The following DIAPH2 variants were observed in gnomAD, a reference collection of about 807,000 sequenced individuals.
The protein encoded by DIAPH2 is diaphanous related formin 2.
In DIAPH2, 35 loss-of-function variants were observed where a neutral mutation model predicts 92.7. The ratio of observed to expected loss-of-function variants is 0.38; its 90% CI spans 0.29 to 0.50. The LOEUF (loss-of-function observed/expected upper bound fraction) is 0.50, where lower values mean the gene tolerates loss of function less well. DIAPH2 is among the 20% of genes least tolerant of loss of function. DIAPH2 has a pLI of 0.94. For missense variants in DIAPH2, 701 were observed against 819.5 expected (o/e 0.86, Z 1.77); for synonymous variants, 301 against 280.4 (o/e 1.07, Z -0.73).
chrX:97,189,982 G>A (rs2067639530), intron 22 of DIAPH2, among the ~76,000 whole-genome samples: 1 of 113,118 alleles, frequency 8.8e-6, no homozygotes, highest in Non-Finnish European at 1.9e-5. Context: ...TGGCTCAGGA[G>A]AAAAACTCTA....
intron 22 of DIAPH2, among the ~76,000 whole-genome samples, chrX:97,148,815 G>A (rs1307887239): frequency 9.0e-6 from 1 of 111,727 alleles, no homozygotes; most frequent in Non-Finnish European, 1.9e-5. Flanking sequence ...AAATTTGAGA[G>A]GAGAAACAAG....
chrX:97,464,499 G>C (rs1005031456), intron 26 of DIAPH2, among the ~76,000 whole-genome samples: 1 of 110,197 alleles, frequency 9.1e-6, no homozygotes, highest in Admixed American at 9.7e-5. Context: ...CTTACTTCAA[G>C]TGCCTATCTT....
chrX:96,782,672 G>T (rs1190350102), intron 4 of DIAPH2, among the ~76,000 whole-genome samples: 1 of 111,362 alleles, frequency 9.0e-6, no homozygotes, highest in Non-Finnish European at 1.9e-5. Flanking sequence ...GGGCTCAAGC[G>T]ATCTGCCCTC....
At chrX:97,327,255 C>T (rs1437322213) in intron 23 of DIAPH2, among the ~76,000 whole-genome samples, 3 of 109,160 alleles carry the variant, frequency 2.7e-5, no homozygotes, top group East Asian at 5.8e-4. Flanking sequence ...CCTGCCACCC[C>T]GCCCGGCTAA....
chrX:96,888,043 C>G (rs1213984458), intron 5 of DIAPH2, among the ~76,000 whole-genome samples: 1 of 108,422 alleles, frequency 9.2e-6, no homozygotes, highest in Non-Finnish European at 1.9e-5. Flanking sequence ...GTTTTCAGCT[C>G]AGACCTCTCT....
chrX:97,528,791 G>A (rs1207061126), intron 26 of DIAPH2: 1 of 111,800 alleles, frequency 8.9e-6, no homozygotes, highest in Admixed American at 9.5e-5. Context: ...TGTTGGAAGT[G>A]TGCTACCTTC....
Position 97,323,362 on chromosome X carries a change from C to T in DIAPH2, c.2845-24754C>T, listed in dbSNP as rs1454608450. 5.9e-4 allele frequency among the ~76,000 whole-genome samples: 57 copies of T among 97,132 alleles called. No individual in the cohort carries two copies. In the Middle Eastern group the frequency reaches 0.019, roughly 33 times the overall value. The allele number at this position is 97,132 out of a possible 115,157, so 84.3% of individuals were successfully genotyped here. The stretch of plus-strand genomic sequence containing the variant: ...ATCCCAGCACTTTGGGAGGCCGAGG[C>T]GGGCGGATCACGAGGTCAGGAGATC... On this transcript the variant is annotated intron_variant, in intron 23 of 26. Transcript: ENST00000324765.
chrX:97,200,623 G>A (rs978876878), intron 22 of DIAPH2, among the ~76,000 whole-genome samples: 4 of 111,888 alleles, frequency 3.6e-5, no homozygotes, highest in Non-Finnish European at 7.5e-5. Context: ...CTCAGGGGCG[G>A]GGCCTCTCTG....
At chrX:96,913,194 G>A (rs1028843719) in intron 7 of DIAPH2, among the ~76,000 whole-genome samples, 11 of 110,667 alleles carry the variant, frequency 9.9e-5, no homozygotes, top group Non-Finnish European at 1.7e-4. Flanking sequence ...GCTAGTCAAT[G>A]AAACAAACAA....
At chrX:97,155,082 A>G (rs984135219) in intron 22 of DIAPH2, among the ~76,000 whole-genome samples, 1 of 112,433 alleles carries the variant, frequency 8.9e-6, no homozygotes, top group African/African-American at 3.2e-5. Context: ...GGTTAAAAAA[A>G]TCAAACTATA....
chrX:97,320,435 C>T (rs772840454), intron 23 of DIAPH2, among the ~76,000 whole-genome samples: 9 of 110,708 alleles, frequency 8.1e-5, no homozygotes, highest in African/African-American at 2.9e-4. Context: ...TCAATTTGGC[C>T]AGGCGCGGTA....
rs1204170689 is a variant in DIAPH2 at position 97,600,215 on chromosome X, A to ATTTC, written c.*902_*905dup. On this transcript the variant is annotated 3_prime_UTR_variant, in exon 27 of 27. Coordinates refer to ENST00000324765, the MANE Select transcript of DIAPH2 (RefSeq NM_006729.5). The stretch of plus-strand genomic sequence containing the variant: ...TATTGATTCCTATGCTCTGTGGTTT[A>ATTTC]TTTCTTTTTTCTATTGCTTCTTTCT... The ATTTC allele has an allele frequency of 1.8e-5, 2 of 112,025 alleles. No individual in the cohort carries two copies. The highest frequency in any genetic ancestry group is 3.8e-5 in the Non-Finnish European group (2 of 53,026). 9.2% of individuals were successfully genotyped at this position (112,025 alleles called of 1,213,427 possible). A position where few individuals can be genotyped will look rare whatever the true frequency, so the allele number is the denominator to read the frequency against.
intron 23 of DIAPH2, among the ~76,000 whole-genome samples, chrX:97,260,536 G>A (rs184575930): frequency 6.1e-4 from 69 of 112,271 alleles, no homozygotes; most frequent in Admixed American, 9.5e-4. Flanking sequence ...CCTTGGCGAT[G>A]ATTTGGTTAG....
intron 26 of DIAPH2, among the ~76,000 whole-genome samples, chrX:97,522,700 C>A (rs1394106287): frequency 9.0e-6 from 1 of 111,247 alleles, no homozygotes; most frequent in Non-Finnish European, 1.9e-5. Flanking sequence ...TTTTTTTTGT[C>A]CTTATGGTCA....
chrX:97,035,230 A>C (rs969302450), intron 17 of DIAPH2, among the ~76,000 whole-genome samples: 2 of 111,918 alleles, frequency 1.8e-5, no homozygotes, highest in Non-Finnish European at 3.8e-5. Context: ...ATTAGCATGA[A>C]ATATGAATAC....
chrX:97,261,292 T>G (rs1285021983), intron 23 of DIAPH2, among the ~76,000 whole-genome samples: 2 of 112,395 alleles, frequency 1.8e-5, no homozygotes. Context: ...TCCATAATTG[T>G]TTTAAATCAA....
chrX:97,427,311 T>C (rs2147775081), intron 25 of DIAPH2, among the ~76,000 whole-genome samples: 1 of 111,971 alleles, frequency 8.9e-6, no homozygotes, highest in African/African-American at 3.2e-5. Context: ...TCGAATAGTG[T>C]TCAAGCCCCA....
intron 19 of DIAPH2, among the ~76,000 whole-genome samples, chrX:97,087,972 A>G (rs1350534615): frequency 9.0e-6 from 1 of 111,137 alleles, no homozygotes; most frequent in Non-Finnish European, 1.9e-5. Context: ...GGACTAGACT[A>G]CTATTGTTTT....
At chrX:97,286,040 A>G (rs1478750799) in intron 23 of DIAPH2, among the ~76,000 whole-genome samples, 1 of 96,870 alleles carries the variant, frequency 1.0e-5, no homozygotes, top group Non-Finnish European at 2.0e-5. Flanking sequence ...CAGCCCAGAA[A>G]CTTTTTTTTT....
Sources: allele counts gnomAD v4.1 joint callset (sites outside exome capture counted in the v4.1 genomes callset), GRCh38; gene constraint gnomAD v4.1.1; transcripts MANE v1.5; gene names NCBI Gene and HGNC (gene_info 2026-07-23, HGNC 2026-07-21).